TLN2: variants seen among roughly 807,000 people sequenced by gnomAD.
TLN2 encodes the protein talin-2.
TLN2 carries 118 observed loss-of-function variants against 294.7 expected under a neutral mutation model. That is an observed-to-expected ratio of 0.40 (90% CI 0.34 to 0.47). The LOEUF (loss-of-function observed/expected upper bound fraction) is 0.47. TLN2 is among the 20% of genes least tolerant of loss of function. TLN2 has a pLI of 0.84. For missense variants in TLN2, 3,083 were observed against 3,282.2 expected (o/e 0.94, Z 1.48); for synonymous variants, 1,431 against 1,304.5 (o/e 1.10, Z -2.09).
chr15:62,560,862 T>C (rs1052107916), intron 1 of TLN2, among the ~76,000 whole-genome samples: 1 of 152,156 alleles, frequency 6.6e-6, no homozygotes, highest in African/African-American at 2.4e-5. Context: ...TCATCGAGTG[T>C]GCAGAACTGC....
intron 1 of TLN2, among the ~76,000 whole-genome samples, chr15:62,443,452 G>A (rs1186081149): frequency 2.6e-5 from 4 of 152,164 alleles, no homozygotes; most frequent in African/African-American, 7.2e-5. Context: ...CAATAGGAAC[G>A]TATTTTGGGC....
At chr15:62,761,922 C>A (rs1223057734) in intron 38 of TLN2, 101 bp downstream of exon 38, 2 of 1,476,126 alleles carry the variant, frequency 1.4e-6, no homozygotes, top group African/African-American at 1.4e-5. Flanking sequence ...TCTCTGTCAA[C>A]ATGTAGGCTA....
chr15:62,657,267 G>C (rs759347044), intron 8 of TLN2, among the ~76,000 whole-genome samples: 1 of 152,048 alleles, frequency 6.6e-6, no homozygotes, highest in Non-Finnish European at 1.5e-5. Flanking sequence ...CTGCTGTCTT[G>C]AGTATTGAGT....
chr15:62,434,815 G>T (rs1244715097), intron 1 of TLN2, among the ~76,000 whole-genome samples: 3 of 152,152 alleles, frequency 2.0e-5, no homozygotes, highest in Non-Finnish European at 4.4e-5. Context: ...GGATATGCAG[G>T]TTTGTTACAT....
At chr15:62,728,915 A>G (rs2060575519) in intron 28 of TLN2, among the ~76,000 whole-genome samples, 1 of 152,274 alleles carries the variant, frequency 6.6e-6, no homozygotes, top group Middle Eastern at 3.4e-3. Flanking sequence ...CCTATTTTAA[A>G]ACTTTTGCCT....
intron 2 of TLN2, among the ~76,000 whole-genome samples, chr15:62,609,115 C>T (rs886459923): frequency 3.9e-5 from 6 of 152,072 alleles, no homozygotes; most frequent in African/African-American, 1.4e-4. Flanking sequence ...CCTGGGCCTC[C>T]TCCCTTGTCA....
intron 9 of TLN2, among the ~76,000 whole-genome samples, chr15:62,670,925 T>C (rs2055331208): frequency 6.6e-6 from 1 of 152,354 alleles, no homozygotes; most frequent in South Asian, 2.1e-4. Flanking sequence ...TTCCAGTTTC[T>C]CTATGCCTTT....
At chr15:62,743,200 C>T (rs2061434514) in intron 32 of TLN2, among the ~76,000 whole-genome samples, 1 of 152,116 alleles carries the variant, frequency 6.6e-6, no homozygotes, top group African/African-American at 2.4e-5. Context: ...TAGTCTCAGT[C>T]CTCAGTCCTC....
chr15:62,736,855 AT>A, intron 28 of TLN2, 22 bp from the exon 29 acceptor site: 1 of 1,609,598 alleles, frequency 6.2e-7, no homozygotes, highest in Non-Finnish European at 8.5e-7. Context: ...CTAATTGGAA[AT>A]CTGATGGACT....
At chr15:62,757,586 C>G (rs1247568082) in intron 37 of TLN2, among the ~76,000 whole-genome samples, 1 of 152,174 alleles carries the variant, frequency 6.6e-6, no homozygotes, top group Non-Finnish European at 1.5e-5. Flanking sequence ...TATAAAGCAT[C>G]TCTGTTAAGA....
At chr15:62,405,011 ATTTAT>A (rs1399250542) in intron 1 of TLN2, among the ~76,000 whole-genome samples, 1 of 152,114 alleles carries the variant, frequency 6.6e-6, no homozygotes, top group Non-Finnish European at 1.5e-5. Context: ...TATTGTCAGT[ATTTAT>A]TTTATTTTAA....
At chr15:62,529,524 CTT>C (rs1442237334) in intron 1 of TLN2, among the ~76,000 whole-genome samples, 1 of 146,406 alleles carries the variant, frequency 6.8e-6, no homozygotes, top group Non-Finnish European at 1.5e-5. Flanking sequence ...CCTTGCCTCT[CTT>C]GTTTTTTTTA....
At chr15:62,750,005 A>G (rs77275940) in intron 33 of TLN2, among the ~76,000 whole-genome samples, 2,846 of 152,338 alleles carry the variant, frequency 0.019, 71 homozygotes, top group African/African-American at 0.059. Flanking sequence ...GGTCATGAAG[A>G]AATGAATGGC....
intron 1 of TLN2, among the ~76,000 whole-genome samples, chr15:62,531,069 C>T (rs2041015711): frequency 6.6e-6 from 1 of 152,208 alleles, no homozygotes; most frequent in East Asian, 1.9e-4. Context: ...CCCAGTATTC[C>T]CACTTTTGAG....
At chr15:62,619,292 GA>G (rs1435001116) in intron 3 of TLN2, among the ~76,000 whole-genome samples, 1 of 152,238 alleles carries the variant, frequency 6.6e-6, no homozygotes, top group African/African-American at 2.4e-5. Flanking sequence ...AGGCGCTGGA[GA>G]AGCTGCTGGA....
intron 11 of TLN2, among the ~76,000 whole-genome samples, chr15:62,685,707 T>A (rs988885110): frequency 1.3e-5 from 2 of 152,246 alleles, no homozygotes; most frequent in Non-Finnish European, 2.9e-5. Context: ...CATTTTCTGT[T>A]CATATTCTTC....
intron 25 of TLN2, among the ~76,000 whole-genome samples, chr15:62,721,930 T>C (rs985553135): frequency 6.6e-6 from 1 of 152,230 alleles, no homozygotes; most frequent in Non-Finnish European, 1.5e-5. Flanking sequence ...GTTATTTTGC[T>C]TTGTGAGGTG....
intron 1 of TLN2, among the ~76,000 whole-genome samples, chr15:62,555,529 C>A (rs927146661): frequency 1.3e-5 from 2 of 152,346 alleles, no homozygotes; most frequent in African/African-American, 4.8e-5. Flanking sequence ...TAGGTTTTAA[C>A]TGTGGCGTTT....
At chr15:62,785,855 C>T (rs1043959461) in intron 45 of TLN2, among the ~76,000 whole-genome samples, 5 of 152,090 alleles carry the variant, frequency 3.3e-5, no homozygotes, top group East Asian at 1.9e-4. Context: ...TTTTTTATTA[C>T]GACAGAGACC....
Sources: gnomAD v4.1 joint callset for allele counts (sites outside exome capture counted in the v4.1 genomes callset) on GRCh38, gnomAD v4.1.1 for gene constraint, MANE v1.5 for transcripts, NCBI Gene and HGNC (gene_info 2026-07-23, HGNC 2026-07-21) for gene names.